POC1B: variants seen among roughly 807,000 people sequenced by gnomAD.
The protein encoded by POC1B is POC1 centriolar protein B.
A neutral mutation model predicts 60.6 loss-of-function variants in POC1B; 44 were observed. The ratio of observed to expected loss-of-function variants is 0.73; its 90% confidence interval spans 0.57 to 0.93. POC1B has a LOEUF of 0.93. Ranked by LOEUF, POC1B falls within the 40% of genes least tolerant of loss-of-function variation. POC1B has a pLI of 0.00. For missense variants in POC1B, 555 were observed against 572.3 expected, an observed-to-expected ratio of 0.97 and a Z score of 0.31; for synonymous variants, 180 against 198.9, an observed-to-expected ratio of 0.90 and a Z score of 0.80.
chr12:89,495,687 T>A (rs753682688), intron 3 of POC1B, among the ~76,000 whole-genome samples: 1 of 152,010 alleles, frequency 6.6e-6, no homozygotes, highest in African/African-American at 2.4e-5. Context: ...GACCAGGGAG[T>A]CAGGGGGAAG....
intron 10 of POC1B, among the ~76,000 whole-genome samples, chr12:89,435,406 C>T (rs1881214815): frequency 6.6e-6 from 1 of 152,108 alleles, no homozygotes; most frequent in African/African-American, 2.4e-5. Flanking sequence ...GTCTCAAACT[C>T]CTGACCTAAG....
At chr12:89,504,133 A>G (rs1372670282) in intron 2 of POC1B, among the ~76,000 whole-genome samples, 5 of 152,404 alleles carry the variant, frequency 3.3e-5, no homozygotes, top group East Asian at 3.8e-4. Flanking sequence ...AGAACGGGCC[A>G]TGATGACGAT....
chr12:89,524,731 C>G (rs1004417372), intron 2 of POC1B: 1 of 672,392 alleles, frequency 1.5e-6, no homozygotes. Flanking sequence ...GGTCCTCGGC[C>G]TCCGGCACAG....
At position 89,459,638 on chromosome 12, in the gene POC1B, T is replaced by A; in HGVS notation, c.1113A>T (p.Thr371=). Residue 371 remains threonine, a splice_region_variant and synonymous_variant, in exon 10 of 12, where the codon ACA becomes ACT. Transcript: ENST00000313546. ...AAAAAAAAAAAAAAACCCGACTTAC[T>A]GTGGTAGAATCAAAAGAAAGGATAT... ...VMDILSFDST[T]TTETSGRTLP... 7.3e-7 allele frequency: 1 copy of A among 1,373,054 alleles called. No individual in the cohort carries two copies. Among genetic ancestry groups the A allele is most frequent in the Non-Finnish European group, 9.8e-7 (1 of 1,018,096 alleles). 85.1% of individuals were successfully genotyped at this position (1,373,054 alleles called of 1,614,324 possible). A position where few individuals can be genotyped will look rare whatever the true frequency, so the allele number is the denominator to read the frequency against.
At chr12:89,418,542 T>A (rs1392490398), downstream of POC1B, among the ~76,000 whole-genome samples, 1 of 152,162 alleles carries the variant, frequency 6.6e-6, no homozygotes, top group Non-Finnish European at 1.5e-5. Context: ...CCAAGTCTCA[T>A]GTTGAAATCT....
At chr12:89,434,301 T>G (rs761367501) in intron 10 of POC1B, among the ~76,000 whole-genome samples, 15 of 152,320 alleles carry the variant, frequency 9.8e-5, no homozygotes, top group Non-Finnish European at 1.5e-4. Flanking sequence ...ACTTGAAAAA[T>G]ATACCATGTA....
intron 10 of POC1B, among the ~76,000 whole-genome samples, chr12:89,458,441 G>C (rs917919656): frequency 3.9e-5 from 6 of 152,190 alleles, no homozygotes; most frequent in Admixed American, 3.9e-4. Flanking sequence ...AGATCGATTT[G>C]AAGTCCTAGT....
the POC1B span, among the ~76,000 whole-genome samples, chr12:89,412,807 G>GTTCCTTCCTTCCTTCCTTCCTTCCTTCC: frequency 3.1e-5 from 4 of 127,486 alleles, no homozygotes; most frequent in African/African-American, 1.3e-4. Context: ...AGAAACACAT[G>GTTCCTTCCTTCCTTCCTTCCTTCCTTCC]TTCCTTCCTT....
At position 89,525,969 on chromosome 12, in the gene POC1B, G is replaced by A. The variant is rs759939223; in HGVS notation, c.-74C>T. On this transcript the variant is annotated 5_prime_UTR_variant, in exon 1 of 12. Coordinates refer to ENST00000313546, the MANE Select transcript of POC1B (RefSeq NM_172240.3). ...GGGGAGGGGAGAGGATGGGGAAGGA[G>A]AGGGGACCGTGCGGCTCCCGGAACC... 1 of 1,546,460 alleles carries A rather than the reference G, an allele frequency of 6.5e-7. No individual in the cohort carries two copies. The highest frequency in any genetic ancestry group is 1.2e-5 in the South Asian group (1 of 83,790).
chr12:89,417,480 T>C (rs192182333), downstream of POC1B, among the ~76,000 whole-genome samples: 2 of 152,356 alleles, frequency 1.3e-5, no homozygotes, highest in African/African-American at 4.8e-5. Flanking sequence ...AATGTCTGAT[T>C]CGTGAGTCAC....
At chr12:89,422,913 T>A (rs1880603612) in intron 11 of POC1B, among the ~76,000 whole-genome samples, 1 of 152,252 alleles carries the variant, frequency 6.6e-6, no homozygotes, top group Non-Finnish European at 1.5e-5. Context: ...TCATATTTTA[T>A]ATTATCTATA....
chr12:89,519,389 T>C (rs1565760121), intron 2 of POC1B: 1 of 152,204 alleles, frequency 6.6e-6, no homozygotes. Context: ...TATGTTCCCA[T>C]AGGCTAAAAT....
the POC1B span, among the ~76,000 whole-genome samples, chr12:89,407,165 A>AG: frequency 1.3e-5 from 2 of 151,248 alleles, no homozygotes; most frequent in African/African-American, 4.9e-5. Context: ...AAAAAAAAAA[A>AG]AAAAAAGGAA....
At chr12:89,498,496 T>C (rs1267407391) in intron 2 of POC1B, among the ~76,000 whole-genome samples, 1 of 152,218 alleles carries the variant, frequency 6.6e-6, no homozygotes, top group African/African-American at 2.4e-5. Flanking sequence ...ACAATTAGTA[T>C]CACTGTTAGA....
intron 2 of POC1B, chr12:89,522,481 T>C (rs1359357013): frequency 2.9e-6 from 1 of 349,012 alleles, no homozygotes; most frequent in Non-Finnish European, 5.1e-6. Flanking sequence ...TACCTCATTT[T>C]ACTTGGACCT....
In POC1B at chr12:89,450,891, T is replaced by C. The variant is rs752884171; in HGVS notation, c.1113+8747A>G. 3.0e-4 allele frequency among the ~76,000 whole-genome samples: 45 copies of C among 152,288 alleles called. 1 individual carries two copies. The highest frequency in any genetic ancestry group is 3.4e-3 in the Middle Eastern group (1 of 294). ...TCAGCAGAAAAACAAAGTACAGCCA[T>C]TATTTTAACAGAGAGAATTTAATAT... On this transcript the variant is annotated intron_variant, in intron 10 of 11. Coordinates refer to ENST00000313546, the MANE Select transcript of POC1B (RefSeq NM_172240.3).
chr12:89,453,745 A>T (rs147204163), intron 10 of POC1B, among the ~76,000 whole-genome samples: 50 of 152,348 alleles, frequency 3.3e-4, no homozygotes, highest in Non-Finnish European at 6.5e-4. Flanking sequence ...TTATATAAGC[A>T]GTTAGGAACT....
chr12:89,452,889 A>G (rs1418045857), intron 10 of POC1B, among the ~76,000 whole-genome samples: 1 of 152,180 alleles, frequency 6.6e-6, no homozygotes, highest in African/African-American at 2.4e-5. Flanking sequence ...TTTTTTTAAA[A>G]GGTCAGCCAT....
chr12:89,443,659 C>T (rs1247657608), intron 10 of POC1B, among the ~76,000 whole-genome samples: 1 of 151,394 alleles, frequency 6.6e-6, no homozygotes, highest in Admixed American at 6.6e-5. Flanking sequence ...CAGGAAAGAT[C>T]TAAAATTGAC....
Sources: gnomAD v4.1 joint callset for allele counts (sites outside exome capture counted in the v4.1 genomes callset) on GRCh38, gnomAD v4.1.1 for gene constraint, MANE v1.5 for transcripts, NCBI Gene and HGNC (gene_info 2026-07-23, HGNC 2026-07-21) for gene names.